The following DOCK1 variants were observed in gnomAD, a reference collection of about 807,000 sequenced individuals.
DOCK1 encodes dedicator of cytokinesis 1.
DOCK1 carries 138 observed loss-of-function variants against 262.7 expected under a neutral mutation model. The observed-to-expected ratio is 0.53, with a 90% CI of 0.46 to 0.61. DOCK1 has a LOEUF of 0.61. Among genes scored for constraint, DOCK1 ranks in the 20% least tolerant of loss-of-function variants. The pLI is 0.00. For missense variants in DOCK1, 1,908 were observed against 2,370.7 expected (o/e 0.80, Z 4.05); for synonymous variants, 866 against 867.4 (o/e 1.00, Z 0.03).
rs2069746303 is a variant in DOCK1, at chr10:127,437,200, G to A, written c.5061-1827G>A. Among the ~76,000 whole-genome samples, 1 of 152,198 alleles carries A rather than the reference G, an allele frequency of 6.6e-6. No homozygotes were observed. The highest frequency in any genetic ancestry group is 1.5e-5 in the Non-Finnish European group (1 of 68,040). On this transcript the variant is annotated intron_variant, in intron 48 of 51. Coordinates refer to ENST00000623213, the MANE Select transcript of DOCK1 (RefSeq NM_001290223.2). The surrounding 1 kb of genome is among the most constrained non-coding windows in gnomAD (Gnocchi z 4.4). ...AACCTGTTCTCTCTCTTATGGAGAT[G>A]TTAACAGCTATTGATAATCAGTGCT...
intron 44 of DOCK1, among the ~76,000 whole-genome samples, chr10:127,416,574 A>G (rs1363792808): frequency 1.3e-5 from 2 of 152,180 alleles, no homozygotes; most frequent in African/African-American, 4.8e-5. Flanking sequence ...CAGGAAGGCA[A>G]ATAATCCCAG....
chr10:127,166,297 C>T (rs1332169021), intron 27 of DOCK1, among the ~76,000 whole-genome samples: 1 of 152,052 alleles, frequency 6.6e-6, no homozygotes, highest in Non-Finnish European at 1.5e-5. Context: ...GATCTCCTGA[C>T]CTCGTGATCC....
intron 23 of DOCK1, among the ~76,000 whole-genome samples, chr10:127,071,521 C>T (rs1283543148): frequency 6.6e-6 from 1 of 152,232 alleles, no homozygotes; most frequent in Non-Finnish European, 1.5e-5. Flanking sequence ...TATTGGTTTT[C>T]TTCCAATTCT....
intron 1 of DOCK1, among the ~76,000 whole-genome samples, chr10:126,910,156 G>A (rs2031555413): frequency 6.6e-6 from 1 of 152,172 alleles, no homozygotes; most frequent in Non-Finnish European, 1.5e-5. Flanking sequence ...TAGAAATGCA[G>A]GCATTTTCAT....
chr10:127,019,575 C>T (rs544371985), intron 13 of DOCK1, among the ~76,000 whole-genome samples: 61 of 151,992 alleles, frequency 4.0e-4, no homozygotes, highest in Middle Eastern at 3.4e-3. Context: ...GGCGAAACCC[C>T]GTCTTGACAA....
At chr10:127,404,613 T>C (rs1001958886) in intron 40 of DOCK1, among the ~76,000 whole-genome samples, 184 bp downstream of exon 40, 2 of 152,224 alleles carry the variant, frequency 1.3e-5, no homozygotes. Context: ...TGGTTGCATA[T>C]AACCTTTCTA....
chr10:127,026,859 T>C (rs2042901695), intron 16 of DOCK1, among the ~76,000 whole-genome samples: 1 of 152,226 alleles, frequency 6.6e-6, no homozygotes, highest in Non-Finnish European at 1.5e-5. Flanking sequence ...ATAGACATTT[T>C]TGTGAATACT....
intron 51 of DOCK1, among the ~76,000 whole-genome samples, chr10:127,449,554 A>G (rs2070819611): frequency 6.6e-6 from 1 of 152,208 alleles, no homozygotes; most frequent in Non-Finnish European, 1.5e-5. Context: ...ATTCAATTAG[A>G]TTAATGACCC....
Position 127,008,823 on chromosome 10 carries a change from A to T in DOCK1, c.1058+19A>T. 2 of 1,579,296 alleles carry T rather than the reference A, an allele frequency of 1.3e-6. No homozygotes were observed. The highest frequency in any genetic ancestry group is 1.2e-5 in the South Asian group (1 of 86,598). ...TTCAGCCGTAAGTATGGAGCAATTC[A>T]AGTACTTAGCCAGATATAATGTGGA... On this transcript the variant is annotated intron_variant, in intron 11 of 51. Coordinates refer to ENST00000623213, the MANE Select transcript of DOCK1 (RefSeq NM_001290223.2).
In DOCK1 at chr10:126,931,958, T is replaced by A. The variant is rs1008348839; in HGVS notation, c.46+26395T>A. The stretch of plus-strand genomic sequence containing the variant: ...AAGGTAACAAAGAATTGTCAGGTAG[T>A]AGAAAGGCATTAAGTCTTTTGTTAG... On this transcript the variant is annotated intron_variant, in intron 1 of 51. Transcript: ENST00000623213. Among the ~76,000 whole-genome samples, 38 of 152,282 alleles carry A rather than the reference T, an allele frequency of 2.5e-4. No homozygotes were observed. The East Asian group carries it at 3.9e-3, about 15-fold the overall frequency.
At chr10:127,325,099 A>C (rs1239662277) in intron 29 of DOCK1, among the ~76,000 whole-genome samples, 1 of 152,212 alleles carries the variant, frequency 6.6e-6, no homozygotes, top group Non-Finnish European at 1.5e-5. Context: ...TTCAACAAGG[A>C]GAACCCATTT....
intron 27 of DOCK1, among the ~76,000 whole-genome samples, chr10:127,191,814 G>T (rs1190570932): frequency 6.6e-6 from 1 of 152,162 alleles, no homozygotes; most frequent in Non-Finnish European, 1.5e-5. Flanking sequence ...TCTGGGATGT[G>T]CCTGTCCATG....
At chr10:127,301,174 G>A (rs746136662) in intron 29 of DOCK1, among the ~76,000 whole-genome samples, 13 of 152,188 alleles carry the variant, frequency 8.5e-5, no homozygotes, top group African/African-American at 2.9e-4. Flanking sequence ...GGCAGGCATC[G>A]AGTCTCAGTT....
At chr10:127,139,753 G>A (rs970640849) in intron 27 of DOCK1, among the ~76,000 whole-genome samples, 1 of 152,150 alleles carries the variant, frequency 6.6e-6, no homozygotes, top group African/African-American at 2.4e-5. Flanking sequence ...CTTCAAGGGG[G>A]AGAAAATAGT....
At chr10:127,190,295 A>G (rs2056624865) in intron 27 of DOCK1, among the ~76,000 whole-genome samples, 1 of 152,180 alleles carries the variant, frequency 6.6e-6, no homozygotes, top group Admixed American at 6.5e-5. Context: ...AGTACTGTTC[A>G]GCCCTGGAAG....
intron 1 of DOCK1, among the ~76,000 whole-genome samples, chr10:126,912,701 G>A (rs10794138): frequency 0.37 from 54,825 of 146,502 alleles, 12,163 homozygotes; most frequent in Non-Finnish European, 0.51. Flanking sequence ...ACTCCAGCCT[G>A]GGTGACAGAG....
chr10:127,313,148 A>G (rs966270379), intron 29 of DOCK1, among the ~76,000 whole-genome samples: 1 of 152,052 alleles, frequency 6.6e-6, no homozygotes, highest in African/African-American at 2.4e-5. Flanking sequence ...CAGCTACTCT[A>G]TGAAGTCTTC....
chr10:127,031,612 G>A (rs940397875), intron 16 of DOCK1, 38 bp from the exon 17 acceptor site: 1 of 1,486,958 alleles, frequency 6.7e-7, no homozygotes, highest in Non-Finnish European at 9.3e-7. Context: ...CATGATAATT[G>A]AAAGCAATCA....
At chr10:127,359,440 C>T (rs754128538) in intron 32 of DOCK1, among the ~76,000 whole-genome samples, 30 of 152,144 alleles carry the variant, frequency 2.0e-4, no homozygotes, top group African/African-American at 5.3e-4. Flanking sequence ...AACTTTATGA[C>T]GCTGAAATTG....
Sources: allele counts gnomAD v4.1 joint callset (sites outside exome capture counted in the v4.1 genomes callset), GRCh38; gene constraint gnomAD v4.1.1; non-coding constraint Gnocchi (gnomAD v3.1); transcripts MANE v1.5; gene names NCBI Gene and HGNC (gene_info 2026-07-23, HGNC 2026-07-21).